The following SYN3 variants were observed in gnomAD, a reference collection of about 807,000 sequenced individuals.
SYN3 encodes synapsin-3.
SYN3 carries 35 observed loss-of-function variants against 65.8 expected under a neutral mutation model. The observed-to-expected ratio is 0.53, with a 90% CI of 0.41 to 0.70. SYN3 has a LOEUF of 0.70. Among genes scored for constraint, SYN3 ranks in the 30% least tolerant of loss-of-function variants. The pLI, the probability that SYN3 is intolerant of heterozygous loss-of-function variation, is 0.00. For synonymous variants in SYN3, 270 were observed against 292.9 expected, an observed-to-expected ratio of 0.92 and a Z score of 0.80; for missense variants, 680 against 749.0, an observed-to-expected ratio of 0.91 and a Z score of 1.08.
At chr22:32,520,370 C>G (rs1264534339) in intron 12 of SYN3, among the ~76,000 whole-genome samples, 1 of 151,736 alleles carries the variant, frequency 6.6e-6, no homozygotes, top group Non-Finnish European at 1.5e-5. Context: ...CTCCTGGCCT[C>G]AAGCAATTCT....
At chr22:32,783,946 A>T (rs1383037013) in intron 6 of SYN3, among the ~76,000 whole-genome samples, 3 of 152,200 alleles carry the variant, frequency 2.0e-5, no homozygotes, top group African/African-American at 7.2e-5. Flanking sequence ...CTTACCTGTA[A>T]AAAGGGGATG....
chr22:32,746,946 T>C (rs569892803), intron 6 of SYN3, among the ~76,000 whole-genome samples: 1 of 152,092 alleles, frequency 6.6e-6, no homozygotes, highest in Non-Finnish European at 1.5e-5. Context: ...GTGCTCCAAA[T>C]GCTTTCTGGG....
chr22:32,699,735 A>G (rs1176190282), intron 6 of SYN3, among the ~76,000 whole-genome samples: 1 of 152,228 alleles, frequency 6.6e-6, no homozygotes, highest in Non-Finnish European at 1.5e-5. Flanking sequence ...TCTGTTTTTC[A>G]TCTACAGGGC....
chr22:32,987,099 C>T (rs192785150), intron 2 of SYN3, among the ~76,000 whole-genome samples: 138 of 152,174 alleles, frequency 9.1e-4, no homozygotes, highest in Non-Finnish European at 1.8e-3. Flanking sequence ...GTAGAGTTAA[C>T]GCAGCCAGGG....
At chr22:32,890,308 C>T (rs2049409138) in intron 4 of SYN3, among the ~76,000 whole-genome samples, 3 of 151,954 alleles carry the variant, frequency 2.0e-5, no homozygotes, top group Admixed American at 1.3e-4. Flanking sequence ...CTCCTGGGCT[C>T]AAGCAGTCCT....
intron 1 of SYN3, among the ~76,000 whole-genome samples, chr22:33,032,871 A>G (rs2145904416): frequency 6.6e-6 from 1 of 152,196 alleles, no homozygotes; most frequent in South Asian, 2.1e-4. Context: ...TATACCTTCC[A>G]TGTGTTGATT....
chr22:32,908,456 T>C (rs1030193235), intron 4 of SYN3, among the ~76,000 whole-genome samples: 28 of 147,598 alleles, frequency 1.9e-4, no homozygotes, highest in Non-Finnish European at 2.4e-4. Flanking sequence ...GGTGGTATGG[T>C]CATAGCTCAC....
intron 6 of SYN3, among the ~76,000 whole-genome samples, chr22:32,654,605 T>C (rs1042701395): frequency 1.3e-5 from 2 of 152,174 alleles, no homozygotes; most frequent in Non-Finnish European, 1.5e-5. Context: ...CGAGATCTCA[T>C]TCATGTCCAT....
intron 2 of SYN3, among the ~76,000 whole-genome samples, chr22:32,991,177 C>T (rs1485916813): frequency 2.0e-5 from 3 of 150,374 alleles, no homozygotes; most frequent in African/African-American, 4.9e-5. Context: ...AGTGAGACTC[C>T]GTCTCAAAAA....
At chr22:32,518,389 T>C (rs975255237) in intron 12 of SYN3, 55 bp from the exon 13 acceptor site, 1 of 1,594,026 alleles carries the variant, frequency 6.3e-7, no homozygotes, top group South Asian at 1.1e-5. Context: ...AGGATAGATA[T>C]GGCTGTACAC....
chr22:32,966,095 A>G (rs932361546), intron 3 of SYN3, among the ~76,000 whole-genome samples: 1 of 152,184 alleles, frequency 6.6e-6, no homozygotes, highest in South Asian at 2.1e-4. Context: ...CCTGTTCCCA[A>G]TGAGCCCAGA....
In SYN3 at chr22:32,768,141, CT is replaced by C. The variant is rs1053989015; in HGVS notation, c.711+96773del. Among the ~76,000 whole-genome samples the C allele has an allele frequency of 4.7e-4, 71 of 152,272 alleles. 1 individual carries two copies. Among genetic ancestry groups the C allele is most frequent in the African/African-American group, 1.7e-3 (69 of 41,560 alleles). On this transcript the variant is annotated intron_variant, in intron 6 of 13. Coordinates refer to ENST00000358763, the MANE Select transcript of SYN3 (RefSeq NM_003490.4). Reference sequence around the variant, plus strand: ...GGGTCTGTTCCTTCATGCCCCCTATCTTTTTGCTCATGATTTCCTTTTCTTT... The same window carrying C: ...GGGTCTGTTCCTTCATGCCCCCTATCTTTTGCTCATGATTTCCTTTTCTTT...
chr22:32,556,821 T>G (rs1239420620), intron 7 of SYN3, among the ~76,000 whole-genome samples: 7,229 of 104,502 alleles, frequency 0.069, 994 homozygotes, highest in South Asian at 0.13. Context: ...TTTTTTTTTT[T>G]TTTTTTTTTT....
At chr22:32,731,982 G>C (rs891022440) in intron 6 of SYN3, among the ~76,000 whole-genome samples, 9 of 152,166 alleles carry the variant, frequency 5.9e-5, no homozygotes, top group Non-Finnish European at 4.4e-5. Context: ...GCAATGTTTT[G>C]AGGCGACTGA....
In SYN3 at chr22:32,510,157, C is replaced by T. The variant is rs1234163585; in HGVS notation, c.*3535G>A. ...CACTAAAGGAGTGGGTTCGTAGCTG[C>T]GTTGGAGACTGCAGCACACCCGTAG... On this transcript the variant is annotated 3_prime_UTR_variant, in exon 14 of 14. Coordinates refer to ENST00000358763, the MANE Select transcript of SYN3 (RefSeq NM_003490.4). Among the ~76,000 whole-genome samples the T allele has an allele frequency of 6.6e-6, 1 of 152,148 alleles. No homozygotes were observed. The highest frequency in any genetic ancestry group is 1.5e-5 in the Non-Finnish European group (1 of 68,042).
intron 6 of SYN3, among the ~76,000 whole-genome samples, chr22:32,790,154 C>T (rs2046288547): frequency 1.3e-5 from 2 of 152,278 alleles, no homozygotes; most frequent in Non-Finnish European, 2.9e-5. Context: ...GTACAAAGAG[C>T]CCTCATTTGC....
chr22:32,586,026 G>A (rs374929785), intron 7 of SYN3, among the ~76,000 whole-genome samples: 13 of 131,470 alleles, frequency 9.9e-5, no homozygotes, highest in African/African-American at 3.1e-4. Flanking sequence ...ATATATGTAT[G>A]TATGTATATA....
intron 6 of SYN3, among the ~76,000 whole-genome samples, chr22:32,681,252 T>A (rs2060518609): frequency 7.1e-6 from 1 of 140,862 alleles, no homozygotes; most frequent in South Asian, 2.3e-4. Context: ...TTTTGGTTGT[T>A]ACAACTTGGG....
chr22:32,819,301 A>C (rs536709314), intron 6 of SYN3, among the ~76,000 whole-genome samples: 12 of 152,236 alleles, frequency 7.9e-5, no homozygotes, highest in Non-Finnish European at 1.5e-4. Context: ...CTTAGTGAGA[A>C]GGCATCTCAG....
Sources: allele counts gnomAD v4.1 joint callset (sites outside exome capture counted in the v4.1 genomes callset), GRCh38; gene constraint gnomAD v4.1.1; transcripts MANE v1.5; gene names NCBI Gene and HGNC (gene_info 2026-07-23, HGNC 2026-07-21).